SCFD2: variants seen among roughly 807,000 people sequenced by gnomAD.
SCFD2 encodes the protein sec1 family domain-containing protein 2.
In SCFD2, 54 loss-of-function variants were observed where a neutral mutation model predicts 58.9. The observed-to-expected ratio is 0.92, with a 90% confidence interval of 0.74 to 1.15. The LOEUF (loss-of-function observed/expected upper bound fraction) is 1.15. Ranked by LOEUF, SCFD2 falls within the 50% of genes most tolerant of loss-of-function variation. The pLI, the probability that SCFD2 is intolerant of heterozygous loss-of-function variation, is 0.00. For missense variants in SCFD2, 805 were observed against 836.6 expected, an observed-to-expected ratio of 0.96 and a Z score of 0.47; for synonymous variants, 321 against 335.9, an observed-to-expected ratio of 0.96 and a Z score of 0.49.
At chr4:52,904,475 C>G (rs959300352) in intron 7 of SCFD2, among the ~76,000 whole-genome samples, 1 of 152,202 alleles carries the variant, frequency 6.6e-6, no homozygotes, top group Non-Finnish European at 1.5e-5. Flanking sequence ...AATGTGTACA[C>G]GCAACTCAAC....
intron 5 of SCFD2, among the ~76,000 whole-genome samples, chr4:52,983,900 G>A (rs1349319728): frequency 6.6e-6 from 1 of 152,180 alleles, no homozygotes; most frequent in African/African-American, 2.4e-5. Flanking sequence ...TCTTAAGATA[G>A]ATGCTCCATC....
At chr4:53,182,281 C>G (rs1478451535) in intron 4 of SCFD2, among the ~76,000 whole-genome samples, 1 of 152,098 alleles carries the variant, frequency 6.6e-6, no homozygotes, top group Non-Finnish European at 1.5e-5. Context: ...ACCAAAACAG[C>G]GTGGTACTGG....
intron 5 of SCFD2, among the ~76,000 whole-genome samples, chr4:52,995,810 T>A (rs914256716): frequency 1.3e-5 from 2 of 152,214 alleles, no homozygotes; most frequent in Admixed American, 1.3e-4. Flanking sequence ...GTATTCCACA[T>A]GCATTCCACT....
intron 5 of SCFD2, among the ~76,000 whole-genome samples, chr4:53,013,587 C>T (rs1243750457): frequency 6.6e-6 from 1 of 152,094 alleles, no homozygotes; most frequent in Non-Finnish European, 1.5e-5. Context: ...CAATTTCTGT[C>T]AAAACTACTC....
At position 52,987,993 on chromosome 4, in the gene SCFD2, A is replaced by T. The variant is rs567765416; in HGVS notation, c.1562-67123T>A. On this transcript the variant is annotated intron_variant, in intron 5 of 8. Transcript: ENST00000401642. ...GTGCCAGGTTGAAACGTCTGCGAAGATCAGAGAGTGTGACACCAGCTCATT... is the reference window on the plus strand; with the variant it reads ...GTGCCAGGTTGAAACGTCTGCGAAGTTCAGAGAGTGTGACACCAGCTCATT... Among the ~76,000 whole-genome samples the T allele has an allele frequency of 2.0e-5, 3 of 152,340 alleles. No homozygotes were observed. The South Asian group carries it at 6.2e-4, about 32-fold the overall frequency.
rs140946001 is a variant in SCFD2 at position 53,013,672 on chromosome 4, T to C, written c.1562-92802A>G. Among the ~76,000 whole-genome samples, 232 of 152,372 alleles carry C rather than the reference T, an allele frequency of 1.5e-3. 1 individual carries two copies. Among genetic ancestry groups the C allele is most frequent in the African/African-American group, 5.4e-3 (226 of 41,588 alleles). On this transcript the variant is annotated intron_variant, in intron 5 of 8. Transcript: ENST00000401642. ...AGGTAGTTTTATAACATTTATTATA[T>C]GGCTTCTGAGAATAACTTTTGCTGG...
In SCFD2 at chr4:52,984,176, A is replaced by G. The variant is rs187617959; in HGVS notation, c.1562-63306T>C. On this transcript the variant is annotated intron_variant, in intron 5 of 8. Coordinates refer to ENST00000401642, the MANE Select transcript of SCFD2 (RefSeq NM_152540.4). ...GGAAGCCACTAGGGTGGTAAATATA[A>G]CCCCAGTGGGTGAGTTACTCCAAGG... 6.1e-4 allele frequency among the ~76,000 whole-genome samples: 93 copies of G among 152,200 alleles called. 1 individual carries two copies. The highest frequency in any genetic ancestry group is 5.4e-3 in the Admixed American group (82 of 15,276).
chr4:53,229,228 T>C (rs977137187), intron 4 of SCFD2, among the ~76,000 whole-genome samples: 2 of 152,122 alleles, frequency 1.3e-5, no homozygotes, highest in Non-Finnish European at 2.9e-5. Flanking sequence ...GCCATCCCCA[T>C]CAAGCTACCA....
intron 5 of SCFD2, among the ~76,000 whole-genome samples, chr4:53,012,408 G>A (rs1290486892): frequency 6.6e-6 from 1 of 151,410 alleles, no homozygotes; most frequent in Admixed American, 6.6e-5. Context: ...AAAAGGCAGG[G>A]AAGTGGAGGC....
At chr4:53,026,411 T>A (rs1044783168) in intron 5 of SCFD2, among the ~76,000 whole-genome samples, 1 of 152,206 alleles carries the variant, frequency 6.6e-6, no homozygotes, top group Non-Finnish European at 1.5e-5. Flanking sequence ...CTATAGGTAT[T>A]TGTTGGCTAA....
chr4:53,108,681 C>T (rs1299110954), intron 5 of SCFD2, among the ~76,000 whole-genome samples: 3 of 152,104 alleles, frequency 2.0e-5, no homozygotes, highest in African/African-American at 7.2e-5. Flanking sequence ...AAGTTTAATT[C>T]CTGACTAGAC....
intron 4 of SCFD2, among the ~76,000 whole-genome samples, chr4:53,212,470 A>AT (rs1460056650): frequency 3.1e-4 from 30 of 95,532 alleles, no homozygotes; most frequent in African/African-American, 9.1e-4. Flanking sequence ...AAAGAAAGCA[A>AT]AAAATAAATA....
At chr4:53,152,959 G>A (rs1726556697) in intron 4 of SCFD2, among the ~76,000 whole-genome samples, 1 of 152,222 alleles carries the variant, frequency 6.6e-6, no homozygotes, top group Non-Finnish European at 1.5e-5. Flanking sequence ...GGTGTGAGAA[G>A]TAGGCTCCCA....
At chr4:52,907,370 G>T in intron 7 of SCFD2, 87 bp downstream of exon 7, 1 of 1,313,382 alleles carries the variant, frequency 7.6e-7, no homozygotes, top group Non-Finnish European at 1.1e-6. Context: ...GTATGGTGCT[G>T]GCTAGGGTTA....
chr4:53,299,736 A>C (rs951450365), intron 3 of SCFD2, among the ~76,000 whole-genome samples: 2 of 152,218 alleles, frequency 1.3e-5, no homozygotes, highest in Admixed American at 6.5e-5. Context: ...CCATCAGACT[A>C]AGAGCTGATC....
At chr4:53,206,437 A>T (rs1295612127) in intron 4 of SCFD2, among the ~76,000 whole-genome samples, 2 of 152,290 alleles carry the variant, frequency 1.3e-5, no homozygotes, top group East Asian at 3.9e-4. Context: ...GAATGTACAA[A>T]GCTTAAAATG....
intron 5 of SCFD2, among the ~76,000 whole-genome samples, chr4:52,951,440 C>T (rs189479695): frequency 1.3e-5 from 2 of 152,264 alleles, no homozygotes; most frequent in African/African-American, 4.8e-5. Context: ...ACTGGGAAAT[C>T]TTTGAAAACT....
chr4:52,986,313 T>A (rs1186306092), intron 5 of SCFD2, among the ~76,000 whole-genome samples: 1 of 152,072 alleles, frequency 6.6e-6, no homozygotes, highest in Admixed American at 6.5e-5. Context: ...AGCTCAATGA[T>A]AAGAATCTAA....
intron 5 of SCFD2, among the ~76,000 whole-genome samples, chr4:52,929,137 C>T (rs1312193141): frequency 6.6e-6 from 1 of 152,162 alleles, no homozygotes; most frequent in African/African-American, 2.4e-5. Context: ...TTTAGGTATA[C>T]ACACATATAT....
Sources: gnomAD v4.1 joint callset for allele counts (sites outside exome capture counted in the v4.1 genomes callset) on GRCh38, gnomAD v4.1.1 for gene constraint, MANE v1.5 for transcripts, NCBI Gene and HGNC (gene_info 2026-07-23, HGNC 2026-07-21) for gene names.